Variants in MCM9 observed in about 807,000 individuals in gnomAD.
MCM9 encodes minichromosome maintenance 9 homologous recombination repair factor.
Under a neutral mutation model 72.8 loss-of-function variants are expected in MCM9, and 55 were observed. The observed-to-expected ratio is 0.76, with a 90% CI of 0.61 to 0.95. The LOEUF is 0.95. MCM9 is among the 40% of genes least tolerant of loss of function. The pLI is 0.00. For synonymous variants in MCM9, 480 were observed against 503.4 expected, an observed-to-expected ratio of 0.95 and a Z score of 0.62; for missense variants, 1,279 against 1,377.0, an observed-to-expected ratio of 0.93 and a Z score of 1.13.
chr6:118,895,775 T>C (rs979662249), intron 8 of MCM9, among the ~76,000 whole-genome samples: 1 of 152,198 alleles, frequency 6.6e-6, no homozygotes, highest in African/African-American at 2.4e-5. Flanking sequence ...GGACATACTT[T>C]GAACTAGAAG....
intron 8 of MCM9, among the ~76,000 whole-genome samples, chr6:118,904,827 T>C (rs908266912): frequency 6.6e-6 from 1 of 152,198 alleles, no homozygotes; most frequent in African/African-American, 2.4e-5. Flanking sequence ...GCTATTTCCA[T>C]CTCATTTTCA....
At chr6:118,851,694 G>A (rs541336837) in intron 9 of MCM9, among the ~76,000 whole-genome samples, 1 of 151,028 alleles carries the variant, frequency 6.6e-6, no homozygotes, top group South Asian at 2.1e-4. Flanking sequence ...AAATTGCAAG[G>A]CTAAAATACT....
chr6:118,879,887 T>C (rs1025463037), intron 8 of MCM9, among the ~76,000 whole-genome samples: 2 of 151,764 alleles, frequency 1.3e-5, no homozygotes, highest in African/African-American at 2.4e-5. Context: ...CTATTAATAA[T>C]ACAAAAATTA....
intron 4 of MCM9, 135 bp downstream of exon 4, chr6:118,923,676 T>C: frequency 1.3e-6 from 1 of 754,026 alleles, no homozygotes; most frequent in Non-Finnish European, 2.1e-6. Context: ...TGTGGAACAG[T>C]TTCGAGCTTG....
intron 13 of MCM9, among the ~76,000 whole-genome samples, chr6:118,820,834 A>C (rs1773752198): frequency 6.6e-6 from 1 of 152,190 alleles, no homozygotes; most frequent in Non-Finnish European, 1.5e-5. Flanking sequence ...TATTTAGGAT[A>C]GTTAGCTCTT....
At chr6:118,881,288 C>A (rs1166877030) in intron 8 of MCM9, among the ~76,000 whole-genome samples, 3 of 152,044 alleles carry the variant, frequency 2.0e-5, no homozygotes, top group Non-Finnish European at 2.9e-5. Flanking sequence ...CTTTTTCAAT[C>A]CTGACTCCCT....
intron 9 of MCM9, among the ~76,000 whole-genome samples, chr6:118,855,968 A>T (rs1776528335): frequency 1.3e-5 from 2 of 152,128 alleles, no homozygotes; most frequent in African/African-American, 4.8e-5. Flanking sequence ...TTCCATGAGG[A>T]TTTATAAGGA....
chr6:118,863,290 G>T (rs1047507651), intron 8 of MCM9, among the ~76,000 whole-genome samples: 1 of 152,154 alleles, frequency 6.6e-6, no homozygotes, highest in African/African-American at 2.4e-5. Context: ...CACTACCTGT[G>T]AACAGGTATA....
intron 8 of MCM9, among the ~76,000 whole-genome samples, chr6:118,869,325 G>C (rs1777428912): frequency 6.6e-6 from 1 of 151,854 alleles, no homozygotes; most frequent in Admixed American, 6.6e-5. Context: ...TGAGTTGATG[G>C]GTGCAGCAAA....
At chr6:118,893,829 C>G (rs1214604024) in intron 8 of MCM9, among the ~76,000 whole-genome samples, 1 of 100,186 alleles carries the variant, frequency 1.0e-5, no homozygotes, top group East Asian at 3.3e-4. Flanking sequence ...AGCGTTAAAT[C>G]AAAAAACCAA....
intron 5 of MCM9, 64 bp downstream of exon 5, chr6:118,921,941 G>T: frequency 8.1e-7 from 1 of 1,241,232 alleles, no homozygotes; most frequent in South Asian, 1.3e-5. Flanking sequence ...ATAAAAAGTG[G>T]CTTTTCCTAA....
intron 6 of MCM9, among the ~76,000 whole-genome samples, chr6:118,914,558 T>C (rs1780790143): frequency 6.6e-6 from 1 of 152,168 alleles, no homozygotes; most frequent in Admixed American, 6.5e-5. Context: ...TCCAGGAAGT[T>C]CATTACTTGC....
At chr6:118,884,270 G>A (rs1346131083) in intron 8 of MCM9, among the ~76,000 whole-genome samples, 1 of 152,134 alleles carries the variant, frequency 6.6e-6, no homozygotes, top group Non-Finnish European at 1.5e-5. Context: ...AACATATACA[G>A]ATGAAATATG....
intron 9 of MCM9, among the ~76,000 whole-genome samples, chr6:118,849,923 A>C (rs533967327): frequency 5.9e-5 from 9 of 152,036 alleles, no homozygotes; most frequent in African/African-American, 2.2e-4. Context: ...AAACCAATGA[A>C]TATCTATCAG....
chr6:118,826,744 T>C, intron 12 of MCM9, 38 bp downstream of exon 12: 3 of 1,444,630 alleles, frequency 2.1e-6, no homozygotes, highest in Non-Finnish European at 2.8e-6. Flanking sequence ...AGAAAGTTTG[T>C]AATTAGGATA....
chr6:118,900,335 G>T (rs959617345), intron 8 of MCM9, among the ~76,000 whole-genome samples: 4 of 152,266 alleles, frequency 2.6e-5, no homozygotes, highest in Admixed American at 2.6e-4. Flanking sequence ...TCCAAAGTGT[G>T]TTGAGAAGGG....
chr6:118,841,319 A>C (rs1688627), intron 9 of MCM9, among the ~76,000 whole-genome samples: 14,876 of 152,122 alleles, frequency 0.098, 1,146 homozygotes, highest in African/African-American at 0.2. Context: ...GGGGTCAGGG[A>C]CCACCCAGTA....
At chr6:118,894,893 C>G (rs74184761) in intron 8 of MCM9, among the ~76,000 whole-genome samples, 23,456 of 152,116 alleles carry the variant, frequency 0.15, 1,920 homozygotes, top group Non-Finnish European at 0.19. Flanking sequence ...GGCCCGAGCA[C>G]GGAGGCTGGG....
At position 118,923,821 on chromosome 6, in the gene MCM9, A is replaced by G; in HGVS notation, c.611T>C (p.Ile204Thr). Reference protein sequence around the residue: ...TRCRDYQEIKIQEQVQRLSVG... With the variant: ...TRCRDYQEIKTQEQVQRLSVG... ...TATGTGATTATTTACCTGTTCCTGA[A>G]TTTTGATTTCCTGGTAATCTCTACA... The change falls in exon 4 of 14, where the codon ATT becomes ACT. Residue 204 changes from isoleucine to threonine, a missense_variant. Physicochemically the swap from Ile to Thr is moderately conservative, Grantham distance 89 (BLOSUM62 -1). Coordinates refer to ENST00000619706, the MANE Select transcript of MCM9 (RefSeq NM_017696.3). The G allele has an allele frequency of 6.2e-7, 1 of 1,612,268 alleles. No individual in the cohort carries two copies. The highest frequency in any genetic ancestry group is 1.1e-5 in the South Asian group (1 of 91,042).
Sources: gnomAD v4.1 joint callset for allele counts (sites outside exome capture counted in the v4.1 genomes callset) on GRCh38, gnomAD v4.1.1 for gene constraint, MANE v1.5 for transcripts, NCBI Gene and HGNC (gene_info 2026-07-23, HGNC 2026-07-21) for gene names.